The following LHX8 variants were observed in gnomAD, a reference collection of about 807,000 sequenced individuals.
LHX8 encodes LIM/homeobox protein Lhx8.
In LHX8, 12 loss-of-function variants were observed where a neutral mutation model predicts 40.3. The observed-to-expected ratio is 0.30, with a 90% confidence interval of 0.19 to 0.48. The LOEUF (loss-of-function observed/expected upper bound fraction) is 0.48, where lower values mean the gene tolerates loss of function less well. Among genes scored for constraint, LHX8 ranks in the 20% least tolerant of loss-of-function variants. The probability of loss-of-function intolerance (pLI) is 0.99; values close to 1 mark genes in which losing one functional copy is unlikely to be tolerated. For missense variants in LHX8, 344 were observed against 433.7 expected, an observed-to-expected ratio of 0.79 and a Z score of 1.84; for synonymous variants, 179 against 162.0, an observed-to-expected ratio of 1.10 and a Z score of -0.80.
intron 3 of LHX8, among the ~76,000 whole-genome samples, chr1:75,138,798 T>A (rs2100334551): frequency 6.6e-6 from 1 of 152,274 alleles, no homozygotes; most frequent in East Asian, 1.9e-4. Flanking sequence ...ATTTATATAT[T>A]ATATATCTTT....
At chr1:75,137,994 A>C (rs1648203258) in intron 3 of LHX8, among the ~76,000 whole-genome samples, 1 of 152,192 alleles carries the variant, frequency 6.6e-6, no homozygotes, top group Non-Finnish European at 1.5e-5. Context: ...AATTGATATA[A>C]AGTTAGACAC....
chr1:75,133,703 C>T (rs1472572063), upstream of LHX8, among the ~76,000 whole-genome samples: 2 of 152,138 alleles, frequency 1.3e-5, no homozygotes, highest in African/African-American at 4.8e-5. Context: ...TGAATACCTC[C>T]CTCCGCCGCT....
In LHX8 at chr1:75,141,124, T is replaced by G. The variant is rs746797135; in HGVS notation, c.359+18T>G. 3.1e-6 allele frequency: 5 copies of G among 1,611,354 alleles called. No individual in the cohort carries two copies. In the South Asian group the frequency reaches 4.4e-5, roughly 14 times the overall value. ...TATTTCAGGTATGCTGTGAAGCTTT[T>G]TCTTAGTAGATACTTGAATAAATTA... is the stretch of plus-strand genomic sequence containing the variant. On this transcript the variant is annotated intron_variant, in intron 4 of 8. Coordinates refer to ENST00000356261, the MANE Select transcript of LHX8 (RefSeq NM_001256114.2).
chr1:75,139,104 T>C (rs1356593726), intron 3 of LHX8, among the ~76,000 whole-genome samples: 2 of 152,136 alleles, frequency 1.3e-5, no homozygotes, highest in Non-Finnish European at 2.9e-5. Context: ...GTAACTAATA[T>C]AGAAAAACAC....
chr1:75,158,269 A>G (rs1193942609), intron 8 of LHX8, among the ~76,000 whole-genome samples: 2 of 152,074 alleles, frequency 1.3e-5, no homozygotes, highest in Non-Finnish European at 2.9e-5. Context: ...TAATTTCTTC[A>G]TGTAATCTGC....
At chr1:75,131,979 T>C (rs918679736), upstream of LHX8, 1 of 152,208 alleles carries the variant, frequency 6.6e-6, no homozygotes, top group African/African-American at 2.4e-5. Context: ...ATGATGTTTT[T>C]TTGATCAGAG....
chr1:75,180,901 T>C, the LHX8 span, among the ~76,000 whole-genome samples: 2 of 152,208 alleles, frequency 1.3e-5, no homozygotes, highest in African/African-American at 2.4e-5. Flanking sequence ...TTGTTGATGT[T>C]GATGCTATTC....
the LHX8 span, among the ~76,000 whole-genome samples, chr1:75,196,916 C>T: frequency 1.3e-5 from 2 of 152,050 alleles, no homozygotes; most frequent in South Asian, 4.1e-4. Flanking sequence ...CTTTTAAGTT[C>T]CATTAAGGAC....
Position 75,161,518 on chromosome 1 carries a change from C to A in LHX8, c.*623C>A, listed in dbSNP as rs1648918141. ...CTGAGTTTATTAAACATTTTCCATT[C>A]TTGTGAAAATTTCAACCAGTTTGTC... On this transcript the variant is annotated 3_prime_UTR_variant, in exon 9 of 9. Transcript: ENST00000356261. 6.6e-6 allele frequency: 1 copy of A among 152,552 alleles called. No homozygotes were observed. The highest frequency in any genetic ancestry group is 1.5e-5 in the Non-Finnish European group (1 of 68,106). 9.4% of individuals were successfully genotyped at this position (152,552 alleles called of 1,614,324 possible).
the LHX8 span, among the ~76,000 whole-genome samples, chr1:75,167,487 T>TTCCTGACTAACAATTCCTCATC: frequency 1.3e-5 from 2 of 152,272 alleles, no homozygotes; most frequent in East Asian, 3.9e-4. Context: ...CATTTCTCTT[T>TTCCTGACTAACAATTCCTCATC]TCCTGACTAA....
chr1:75,144,056 C>A (rs1648396211), intron 6 of LHX8, 108 bp downstream of exon 6: 2 of 837,974 alleles, frequency 2.4e-6, no homozygotes, highest in South Asian at 1.5e-5. Flanking sequence ...AAAAAATTAG[C>A]CTATGTGTTT....
intron 6 of LHX8, among the ~76,000 whole-genome samples, chr1:75,147,916 GTT>G (rs887272671): frequency 6.6e-6 from 1 of 152,164 alleles, no homozygotes; most frequent in African/African-American, 2.4e-5. Flanking sequence ...AATCCAAAGA[GTT>G]TTGTTTCATG....
chr1:75,153,411 T>C (rs1198104509), intron 7 of LHX8, among the ~76,000 whole-genome samples: 10 of 131,868 alleles, frequency 7.6e-5, no homozygotes, highest in Non-Finnish European at 1.6e-4. Flanking sequence ...GCCTTTTTGT[T>C]TTGTTTTGTT....
intron 7 of LHX8, among the ~76,000 whole-genome samples, chr1:75,149,145 CTTT>C (rs1046745780): frequency 6.6e-6 from 1 of 152,142 alleles, no homozygotes; most frequent in African/African-American, 2.4e-5. Context: ...GTTTTTCCTA[CTTT>C]TTTTATGATT....
At chr1:75,183,997 A>G in the LHX8 span, among the ~76,000 whole-genome samples, 1 of 152,228 alleles carries the variant, frequency 6.6e-6, no homozygotes, top group Non-Finnish European at 1.5e-5. Flanking sequence ...GACAAAACAG[A>G]TTTTAAACCA....
At chr1:75,136,443 C>T (rs935586990) in intron 1 of LHX8, among the ~76,000 whole-genome samples, 160 bp from the exon 2 acceptor site, 1 of 151,738 alleles carries the variant, frequency 6.6e-6, no homozygotes, top group African/African-American at 2.4e-5. Flanking sequence ...CGCGCCAGCC[C>T]GCCCGCGGCG....
the LHX8 span, among the ~76,000 whole-genome samples, chr1:75,186,726 T>C: frequency 2.6e-5 from 4 of 152,278 alleles, no homozygotes; most frequent in East Asian, 3.9e-4. Flanking sequence ...AAAGGCCATG[T>C]AGCTGTGATT....
At chr1:75,162,562 C>T (rs922618449), downstream of LHX8, among the ~76,000 whole-genome samples, 1 of 126,462 alleles carries the variant, frequency 7.9e-6, no homozygotes, top group African/African-American at 3.0e-5. Context: ...CATCCTCTGA[C>T]TCTGTACAGA....
the LHX8 span, among the ~76,000 whole-genome samples, chr1:75,179,030 C>A: frequency 1.3e-5 from 2 of 152,106 alleles, no homozygotes; most frequent in Non-Finnish European, 2.9e-5. Context: ...GCAGTGTGGT[C>A]TGAGAGGCAG....
Sources: gnomAD v4.1 joint callset for allele counts (sites outside exome capture counted in the v4.1 genomes callset) on GRCh38, gnomAD v4.1.1 for gene constraint, MANE v1.5 for transcripts, NCBI Gene and HGNC (gene_info 2026-07-23, HGNC 2026-07-21) for gene names.